The following SNTB1 variants were observed in gnomAD, a reference collection of about 807,000 sequenced individuals.
The protein encoded by SNTB1 is beta-1-syntrophin.
In SNTB1, 36 loss-of-function variants were observed where a neutral mutation model predicts 48.9. The observed-to-expected ratio is 0.74, with a 90% CI of 0.56 to 0.97. The LOEUF is 0.97. Among genes scored for constraint, SNTB1 ranks in the 50% least tolerant of loss-of-function variants. SNTB1 has a pLI of 0.00. For synonymous variants in SNTB1, 299 were observed against 294.6 expected, an observed-to-expected ratio of 1.01 and a Z score of -0.15; for missense variants, 786 against 703.4, an observed-to-expected ratio of 1.12 and a Z score of -1.33.
chr8:120,629,120 C>T (rs1563835560), intron 3 of SNTB1, among the ~76,000 whole-genome samples: 1 of 152,196 alleles, frequency 6.6e-6, no homozygotes, highest in Non-Finnish European at 1.5e-5. Context: ...ACAAGCTGTA[C>T]TGACACAGGC....
chr8:120,558,398 A>T (rs991318467), intron 4 of SNTB1, among the ~76,000 whole-genome samples: 1 of 152,224 alleles, frequency 6.6e-6, no homozygotes, highest in Admixed American at 6.5e-5. Flanking sequence ...ATTCACACCC[A>T]GTTTCTAAGT....
intron 1 of SNTB1, among the ~76,000 whole-genome samples, chr8:120,775,006 T>A (rs1330121510): frequency 6.6e-6 from 1 of 152,116 alleles, no homozygotes; most frequent in Non-Finnish European, 1.5e-5. Context: ...TTTGAAGTCT[T>A]TGGCACATTG....
intron 3 of SNTB1, among the ~76,000 whole-genome samples, chr8:120,602,243 A>G (rs1816432025): frequency 6.6e-6 from 1 of 152,250 alleles, no homozygotes; most frequent in African/African-American, 2.4e-5. Context: ...GTGCAAATGG[A>G]AACAAACTTT....
At chr8:120,550,591 T>C (rs1388752773) in intron 4 of SNTB1, among the ~76,000 whole-genome samples, 1 of 149,052 alleles carries the variant, frequency 6.7e-6, no homozygotes, top group Non-Finnish European at 1.5e-5. Flanking sequence ...GTGAATCTCA[T>C]TGAGAGTAGA....
At chr8:120,619,875 C>G (rs964386954) in intron 3 of SNTB1, among the ~76,000 whole-genome samples, 1 of 152,158 alleles carries the variant, frequency 6.6e-6, no homozygotes, top group Admixed American at 6.5e-5. Context: ...AAGACACACA[C>G]ATTTTTGTAA....
intron 1 of SNTB1, among the ~76,000 whole-genome samples, chr8:120,760,455 G>A (rs1819398862): frequency 6.6e-6 from 1 of 152,156 alleles, no homozygotes. Context: ...ACATTGGGTA[G>A]ACATATTTAA....
intron 2 of SNTB1, among the ~76,000 whole-genome samples, chr8:120,658,203 T>C (rs1817530970): frequency 6.6e-6 from 1 of 152,152 alleles, no homozygotes; most frequent in Admixed American, 6.5e-5. Flanking sequence ...AGGCAGTAAA[T>C]CAAGCTATTA....
chr8:120,726,344 T>G (rs562766076), intron 1 of SNTB1, among the ~76,000 whole-genome samples: 45 of 152,232 alleles, frequency 3.0e-4, no homozygotes, highest in East Asian at 2.1e-3. Context: ...ATTTTTTTTT[T>G]GGGATAAGGA....
At chr8:120,579,249 G>A (rs1051277895) in intron 3 of SNTB1, among the ~76,000 whole-genome samples, 1 of 152,106 alleles carries the variant, frequency 6.6e-6, no homozygotes, top group Non-Finnish European at 1.5e-5. Flanking sequence ...GACTTTATAC[G>A]GGGTTGCCTC....
At chr8:120,808,902 T>TA (rs959145205) in intron 1 of SNTB1, among the ~76,000 whole-genome samples, 59 of 152,054 alleles carry the variant, frequency 3.9e-4, no homozygotes, top group South Asian at 8.3e-4. Flanking sequence ...TAGGTTTTTT[T>TA]AAAAAAAAGG....
intron 3 of SNTB1, among the ~76,000 whole-genome samples, chr8:120,604,510 G>A (rs1382146247): frequency 6.7e-6 from 1 of 149,934 alleles, no homozygotes; most frequent in East Asian, 2.0e-4. Flanking sequence ...CTGGAGTGAA[G>A]TGGTGTGATC....
At chr8:120,699,133 G>A (rs1275845621) in intron 1 of SNTB1, among the ~76,000 whole-genome samples, 2 of 152,126 alleles carry the variant, frequency 1.3e-5, no homozygotes, top group South Asian at 2.1e-4. Flanking sequence ...GATCCAATAT[G>A]GCTGCTGAGT....
intron 3 of SNTB1, among the ~76,000 whole-genome samples, chr8:120,629,583 G>C (rs1258128910): frequency 6.6e-6 from 1 of 152,098 alleles, no homozygotes; most frequent in Non-Finnish European, 1.5e-5. Context: ...TCGTATTAAG[G>C]ATTTGCCATT....
intron 1 of SNTB1, among the ~76,000 whole-genome samples, chr8:120,719,527 T>C (rs188047042): frequency 2.6e-5 from 4 of 152,334 alleles, no homozygotes; most frequent in African/African-American, 9.6e-5. Context: ...TCTGAGTCTG[T>C]CTAGCTTGCC....
At chr8:120,736,452 A>G (rs1396152836) in intron 1 of SNTB1, among the ~76,000 whole-genome samples, 1 of 152,218 alleles carries the variant, frequency 6.6e-6, no homozygotes. Context: ...AAGGAGGCCA[A>G]AAAGAATAAC....
chr8:120,798,619 G>A (rs565631469), intron 1 of SNTB1, among the ~76,000 whole-genome samples: 2 of 152,138 alleles, frequency 1.3e-5, no homozygotes, highest in East Asian at 3.9e-4. Flanking sequence ...CACAGGAACT[G>A]TGCAATCAGC....
At chr8:120,775,365 C>T (rs544088279) in intron 1 of SNTB1, 6 of 152,268 alleles carry the variant, frequency 3.9e-5, no homozygotes, top group Non-Finnish European at 7.4e-5. Flanking sequence ...GACTTGAGTT[C>T]ACTGTTGCGG....
At chr8:120,802,175 T>C (rs1039262568) in intron 1 of SNTB1, among the ~76,000 whole-genome samples, 7 of 152,282 alleles carry the variant, frequency 4.6e-5, no homozygotes, top group African/African-American at 1.4e-4. Flanking sequence ...ATAACAATTA[T>C]GTTATTACAT....
At chr8:120,713,910 G>T (rs1404635596) in intron 1 of SNTB1, among the ~76,000 whole-genome samples, 1 of 151,872 alleles carries the variant, frequency 6.6e-6, no homozygotes, top group East Asian at 1.9e-4. Context: ...ACCTGTAAAG[G>T]GCTCTATAAA....
Sources: gnomAD v4.1 joint callset for allele counts (sites outside exome capture counted in the v4.1 genomes callset) on GRCh38, gnomAD v4.1.1 for gene constraint, MANE v1.5 for transcripts, NCBI Gene and HGNC (gene_info 2026-07-23, HGNC 2026-07-21) for gene names.